The following EFNA2 variants were observed in gnomAD, a reference collection of about 807,000 sequenced individuals.
EFNA2 encodes ephrin A2.
In EFNA2, 18 loss-of-function variants were observed where a neutral mutation model predicts 19.7. The observed-to-expected ratio is 0.91, with a 90% CI of 0.63 to 1.35. The LOEUF (loss-of-function observed/expected upper bound fraction) is 1.35. Ranked by LOEUF, EFNA2 falls within the 40% of genes most tolerant of loss-of-function variation. The pLI is 0.00. For synonymous variants in EFNA2, 187 were observed against 137.8 expected, an observed-to-expected ratio of 1.36 and a Z score of -2.50; for missense variants, 303 against 296.0, an observed-to-expected ratio of 1.02 and a Z score of -0.17.
At position 1,295,801 on chromosome 19, in the gene EFNA2, T is replaced by A; in HGVS notation, c.397T>A (p.Phe133Ile). ...CAAGTTCTCGGAGAAGTTCCAGCTC[T>A]TCACGCCCTTCTCCCTGGGCTTCGA... is the stretch of plus-strand genomic sequence containing the variant. ...PLKFSEKFQL[F>I]TPFSLGFEFR... The change falls in exon 2 of 4, where the codon TTC becomes ATC. Residue 133 changes from phenylalanine (F) to isoleucine (I), a missense_variant. Transcript: ENST00000215368. This position sits in a 1 kb window ranked among gnomAD's most constrained non-coding sequence, Gnocchi z 5.8. 1 of 1,608,144 alleles carries A rather than the reference T, an allele frequency of 6.2e-7. No individual in the cohort carries two copies. Among genetic ancestry groups the A allele is most frequent in the Non-Finnish European group, 8.5e-7 (1 of 1,178,392 alleles).
rs1325762155 is a variant in EFNA2 at position 1,287,197 on chromosome 19, C to T, written c.140+889C>T. Among the ~76,000 whole-genome samples, 2 of 152,176 alleles carry T rather than the reference C, an allele frequency of 1.3e-5. No individual in the cohort carries two copies. Among genetic ancestry groups the T allele is most frequent in the African/African-American group, 2.4e-5 (1 of 41,448 alleles). On this transcript the variant is annotated intron_variant, in intron 1 of 3. Coordinates refer to ENST00000215368, the MANE Select transcript of EFNA2 (RefSeq NM_001405.4). This position sits in a 1 kb window ranked among gnomAD's most constrained non-coding sequence, Gnocchi z 6.2. The stretch of plus-strand genomic sequence containing the variant: ...TGCCGGGGCCTGGCCATGGCCTGGA[C>T]GTGGGTAGAACCCTCTGAACCATCC...
In EFNA2 at chr19:1,300,243, T is replaced by TTA. The variant is rs2081535904; in HGVS notation, c.*299_*300insAT. 1.1e-5 allele frequency: 1 copy of TTA among 87,468 alleles called. No homozygotes were observed. The highest frequency in any genetic ancestry group is 6.3e-5 in the African/African-American group (1 of 15,824). The allele number at this position is 87,468 out of a possible 1,614,324, so 5.4% of individuals were successfully genotyped here. On this transcript the variant is annotated 3_prime_UTR_variant, in exon 4 of 4. Transcript: ENST00000215368. ...GAGAACCCGGGAACCTCTTGGCGAT[T>TTA]TTTTTTTTTTTTTTTTTTTTTTTTT...
At chr19:1,299,801 CG>C in intron 3 of EFNA2, 22 bp from the exon 4 acceptor site, 2 of 1,585,696 alleles carry the variant, frequency 1.3e-6, no homozygotes, top group Non-Finnish European at 1.7e-6. Context: ...GGCCGCTGAG[CG>C]TGCTGTCTCT....
chr19:1,288,833 T>C (rs2081478062), intron 1 of EFNA2, among the ~76,000 whole-genome samples: 1 of 152,116 alleles, frequency 6.6e-6, no homozygotes, highest in Non-Finnish European at 1.5e-5. Flanking sequence ...CTGCACAGCG[T>C]CCGTCCAACC....
At chr19:1,298,988 C>T (rs2081528293) in intron 3 of EFNA2, among the ~76,000 whole-genome samples, 3 of 152,142 alleles carry the variant, frequency 2.0e-5, no homozygotes, top group Admixed American at 2.0e-4. Flanking sequence ...GCCTGTAATC[C>T]CAACTTTGGG....
chr19:1,295,481 G>T lies in EFNA2; in HGVS notation c.141-64G>T, dbSNP rs1194226997. On this transcript the variant is annotated intron_variant, in intron 1 of 3. Coordinates refer to ENST00000215368, the MANE Select transcript of EFNA2 (RefSeq NM_001405.4). The surrounding 1 kb of genome is among the most constrained non-coding windows in gnomAD (Gnocchi z 5.8). ...GTCCCCTGACCCTGGCCCTCCCCGC[G>T]CACCCCGACCCGTGCCCCGTTCCTC... is the stretch of plus-strand genomic sequence containing the variant. 3 of 1,425,226 alleles carry T rather than the reference G, an allele frequency of 2.1e-6. No homozygotes were observed. The highest frequency in any genetic ancestry group is 1.8e-6 in the Non-Finnish European group (2 of 1,089,268). The allele number at this position is 1,425,226 out of a possible 1,614,324, so 88.3% of individuals were successfully genotyped here.
chr19:1,290,112 G>A (rs1334854379), intron 1 of EFNA2, among the ~76,000 whole-genome samples: 8 of 152,036 alleles, frequency 5.3e-5, no homozygotes, highest in African/African-American at 1.9e-4. Context: ...TGCGAAGTGG[G>A]GGTGACGGAG....
Position 1,295,527 on chromosome 19 carries a change from G to A in EFNA2, c.141-18G>A, listed in dbSNP as rs767266632. 3.9e-5 allele frequency: 60 copies of A among 1,557,406 alleles called. No homozygotes were observed. Among genetic ancestry groups the A allele is most frequent in the Non-Finnish European group, 4.5e-5 (52 of 1,154,138 alleles). ...TCCTCGCTCCGGGCGCTGACCTCTG[G>A]CCGCCTTGTCCCCGCAGGTTCCACG... On this transcript the variant is annotated intron_variant, in intron 1 of 3. Transcript: ENST00000215368. The surrounding 1 kb of genome is among the most constrained non-coding windows in gnomAD (Gnocchi z 5.8).
Position 1,294,983 on chromosome 19 carries a change from C to T in EFNA2, c.141-562C>T, listed in dbSNP as rs889121366. The stretch of plus-strand genomic sequence containing the variant: ...TCGTGCAGAGGCCCGGAGTCAGGAA[C>T]CCCCCGCCGGCCCTTTGCACACAGG... On this transcript the variant is annotated intron_variant, in intron 1 of 3. Transcript: ENST00000215368. This position sits in a 1 kb window ranked among gnomAD's most constrained non-coding sequence, Gnocchi z 5.8. Among the ~76,000 whole-genome samples, 19 of 152,186 alleles carry T rather than the reference C, an allele frequency of 1.2e-4. No individual in the cohort carries two copies. The highest frequency in any genetic ancestry group is 1.9e-4 in the Non-Finnish European group (13 of 67,984).
chr19:1,291,577 TC>T (rs2081491682), intron 1 of EFNA2, among the ~76,000 whole-genome samples: 1 of 151,906 alleles, frequency 6.6e-6, no homozygotes, highest in South Asian at 2.1e-4. Context: ...AGCCTGGGCC[TC>T]CCCGGGAGCT....
Position 1,300,971 on chromosome 19 carries a change from T to TG in EFNA2, c.*1033dup, listed in dbSNP as rs34109954. Among the ~76,000 whole-genome samples, 13,418 of 145,848 alleles carry TG rather than the reference T, an allele frequency of 0.092. 919 individuals carry two copies. Among genetic ancestry groups the TG allele is most frequent in the African/African-American group, 0.2 (7,732 of 39,648 alleles). ...CTTCATAGGGGGTCTTTTATTTTGG[T>TG]GGGGGGGTGGGGTGGACTTTTAGAG... On this transcript the variant is annotated 3_prime_UTR_variant, in exon 4 of 4. Coordinates refer to ENST00000215368, the MANE Select transcript of EFNA2 (RefSeq NM_001405.4).
chr19:1,289,296 G>C (rs1165719892), intron 1 of EFNA2, among the ~76,000 whole-genome samples: 1 of 152,218 alleles, frequency 6.6e-6, no homozygotes, highest in African/African-American at 2.4e-5. Context: ...GTCCCTGTGC[G>C]TGTCTGCCTG....
At position 1,301,267 on chromosome 19, in the gene EFNA2, T is replaced by C. The variant is rs2081542106; in HGVS notation, c.*1322T>C. On this transcript the variant is annotated 3_prime_UTR_variant, in exon 4 of 4. Coordinates refer to ENST00000215368, the MANE Select transcript of EFNA2 (RefSeq NM_001405.4). ...TTGTGTACGGCCGCCGGCCGGCGGC[T>C]CGAGGCACGCCCGGTGGTGGGGGGT... 7.2e-6 allele frequency among the ~76,000 whole-genome samples: 1 copy of C among 139,316 alleles called. No individual in the cohort carries two copies. The highest frequency in any genetic ancestry group is 1.5e-5 in the Non-Finnish European group (1 of 65,290). The allele number at this position is 139,316 out of a possible 152,430, so 91.4% of individuals were successfully genotyped here.
At chr19:1,284,962 G>A (rs544030794), upstream of EFNA2, among the ~76,000 whole-genome samples, 37 of 152,360 alleles carry the variant, frequency 2.4e-4, no homozygotes, top group African/African-American at 8.9e-4. The surrounding 1 kb of genome is among the most constrained non-coding windows in gnomAD (Gnocchi z 5.3). Flanking sequence ...AAAAACAGAG[G>A]GCAGGCCAGG....
rs1282803953 is a variant in EFNA2, at chr19:1,295,760, C to G, written c.356C>G (p.Ala119Gly). The change falls in exon 2 of 4, where the codon GCG (alanine) becomes GGG (glycine). Residue 119 changes from alanine (A) to glycine (G), a missense_variant. Ala to Gly is a moderately conservative substitution (Grantham distance 60). Coordinates refer to ENST00000215368, the MANE Select transcript of EFNA2 (RefSeq NM_001405.4). This position sits in a 1 kb window ranked among gnomAD's most constrained non-coding sequence, Gnocchi z 5.8. The stretch of plus-strand genomic sequence containing the variant: ...CGCTGGGAGTGCAACCGGCCCGCGG[C>G]GCCCGGGGGGCCGCTCAAGTTCTCG... ...FKRWECNRPA[A>G]PGGPLKFSEK... 6.2e-7 allele frequency: 1 copy of G among 1,604,734 alleles called. No individual in the cohort carries two copies. The highest frequency in any genetic ancestry group is 8.5e-7 in the Non-Finnish European group (1 of 1,176,798).
intron 1 of EFNA2, among the ~76,000 whole-genome samples, chr19:1,288,244 G>A (rs1449449543): frequency 6.6e-6 from 1 of 152,252 alleles, no homozygotes; most frequent in Non-Finnish European, 1.5e-5. Context: ...GCTTTGTCGC[G>A]GACATCAGGG....
upstream of EFNA2, among the ~76,000 whole-genome samples, chr19:1,284,378 G>A (rs1481661170): frequency 6.6e-6 from 1 of 152,256 alleles, no homozygotes; most frequent in Non-Finnish European, 1.5e-5. The surrounding 1 kb of genome is among the most constrained non-coding windows in gnomAD (Gnocchi z 5.3). Flanking sequence ...AGTGGGGTCA[G>A]GGGATGAGAC....
upstream of EFNA2, among the ~76,000 whole-genome samples, chr19:1,285,408 G>A (rs2081458548): frequency 6.6e-6 from 1 of 152,196 alleles, no homozygotes; most frequent in African/African-American, 2.4e-5. This position sits in a 1 kb window ranked among gnomAD's most constrained non-coding sequence, Gnocchi z 4.1. Context: ...CGTGGGTCCG[G>A]AGAGGCGACT....
rs562491686 is a variant in EFNA2, at chr19:1,297,400, G to A, written c.455-1151G>A. 2.2e-3 allele frequency among the ~76,000 whole-genome samples: 335 copies of A among 152,284 alleles called. No individual in the cohort carries two copies. The highest frequency in any genetic ancestry group is 5.0e-3 in the Admixed American group (76 of 15,298). Reference sequence around the variant, plus strand: ...TTACATTTTTCTTTCTGAGACGGCAGTTTCATAAAGATAATTATTGTAATT... The same window carrying A: ...TTACATTTTTCTTTCTGAGACGGCAATTTCATAAAGATAATTATTGTAATT... On this transcript the variant is annotated intron_variant, in intron 2 of 3. Coordinates refer to ENST00000215368, the MANE Select transcript of EFNA2 (RefSeq NM_001405.4). The surrounding 1 kb of genome is among the most constrained non-coding windows in gnomAD (Gnocchi z 5.0).
Sources: gnomAD v4.1 joint callset for allele counts (sites outside exome capture counted in the v4.1 genomes callset) on GRCh38, gnomAD v4.1.1 for gene constraint, Gnocchi (gnomAD v3.1) non-coding constraint, MANE v1.5 for transcripts, NCBI Gene and HGNC (gene_info 2026-07-23, HGNC 2026-07-21) for gene names.